The following RNF175 variants were observed in gnomAD, a reference collection of about 807,000 sequenced individuals.
The protein encoded by RNF175 is ring finger protein 175.
In RNF175, 38 loss-of-function variants were observed where a neutral mutation model predicts 50.0. That is an observed-to-expected ratio of 0.76 (90% CI 0.59 to 1.00). The LOEUF is 1.00. RNF175 is among the 50% of genes least tolerant of loss of function. The pLI, the probability that RNF175 is intolerant of heterozygous loss-of-function variation, is 0.00. For synonymous variants in RNF175, 155 were observed against 146.1 expected, an observed-to-expected ratio of 1.06 and a Z score of -0.44; for missense variants, 388 against 409.6, an observed-to-expected ratio of 0.95 and a Z score of 0.46.
chr4:153,759,688 C>T (rs1399963387), intron 1 of RNF175, 109 bp downstream of exon 1: 1 of 687,622 alleles, frequency 1.5e-6, no homozygotes, highest in Non-Finnish European at 2.2e-6. Context: ...CGGTTCTCCC[C>T]GGTGGGGCCC....
chr4:153,724,328 A>C (rs1738539017), intron 4 of RNF175, among the ~76,000 whole-genome samples: 3 of 152,254 alleles, frequency 2.0e-5, no homozygotes, highest in Admixed American at 2.0e-4. Flanking sequence ...GGGCCACAGC[A>C]GAGGGGCTAT....
At chr4:153,716,608 G>T (rs985558855) in intron 6 of RNF175, among the ~76,000 whole-genome samples, 5 of 151,926 alleles carry the variant, frequency 3.3e-5, no homozygotes, top group African/African-American at 4.8e-5. Flanking sequence ...TTAAAGAAAA[G>T]ATACAAAAAT....
chr4:153,715,377 C>T (rs1304752282), intron 7 of RNF175, 152 bp downstream of exon 7: 1 of 745,662 alleles, frequency 1.3e-6, no homozygotes. Flanking sequence ...CAGGGACAAA[C>T]AGGAAGACTC....
At chr4:153,750,102 G>GA (rs1740204869) in intron 2 of RNF175, among the ~76,000 whole-genome samples, 1 of 152,144 alleles carries the variant, frequency 6.6e-6, no homozygotes, top group Non-Finnish European at 1.5e-5. Flanking sequence ...TGAACATGGG[G>GA]AAAAATCATG....
chr4:153,718,230 G>GTTTTTTTTTTTTTTTTTTTTTTTTTTTT (rs1272804247), intron 6 of RNF175, among the ~76,000 whole-genome samples: 1 of 31,864 alleles, frequency 3.1e-5, no homozygotes, highest in African/African-American at 8.3e-5. Flanking sequence ...TTGTTTGTTT[G>GTTTTTTTTTTTTTTTTTTTTTTTTTTTT]TTTGTTTGTT....
At position 153,751,474 on chromosome 4, in the gene RNF175, A is replaced by T; in HGVS notation, c.68T>A (p.Leu23His). Reference sequence around the variant, plus strand: ...TTCTGCAGAAAGCTTTGTATGAGAGAGCTGAAAAACATAAAAAGGGCCCTT... The same window carrying T: ...TTCTGCAGAAAGCTTTGTATGAGAGTGCTGAAAAACATAAAAAGGGCCCTT... ...VLEAPPQQEQLSHTKLSAEDT... is the reference protein window; with the variant it reads ...VLEAPPQQEQHSHTKLSAEDT... Residue 23 changes from leucine to histidine, a missense_variant and splice_region_variant, in exon 2 of 9, where the codon CTC becomes CAC. Leu to His is a moderately conservative substitution (Grantham distance 99). Coordinates refer to ENST00000347063, the MANE Select transcript of RNF175 (RefSeq NM_173662.4). 4 of 1,556,364 alleles carry T rather than the reference A, an allele frequency of 2.6e-6. No individual in the cohort carries two copies. The highest frequency in any genetic ancestry group is 1.2e-5 in the South Asian group (1 of 82,284).
intron 3 of RNF175, 45 bp downstream of exon 3, chr4:153,748,600 G>T (rs753575678): frequency 2.0e-6 from 3 of 1,504,306 alleles, no homozygotes; most frequent in Non-Finnish European, 1.8e-6. Context: ...CAGTCAAGCT[G>T]ATACAAGCTG....
intron 1 of RNF175, among the ~76,000 whole-genome samples, chr4:153,755,201 G>A (rs1740501585): frequency 6.6e-6 from 1 of 152,254 alleles, no homozygotes; most frequent in African/African-American, 2.4e-5. Context: ...CCACTTGGCT[G>A]GCAGCCAGAC....
chr4:153,749,000 G>T (rs1423903676), intron 2 of RNF175, among the ~76,000 whole-genome samples: 1 of 152,214 alleles, frequency 6.6e-6, no homozygotes. Flanking sequence ...AGAAGGAGCA[G>T]CTGGGAGGAG....
intron 7 of RNF175, chr4:153,714,507 C>T (rs1737784294): frequency 6.6e-6 from 1 of 152,084 alleles, no homozygotes; most frequent in Non-Finnish European, 1.5e-5. Context: ...GGGCTTTAGG[C>T]AAAAGACAGA....
At chr4:153,748,858 A>G (rs747930704) in intron 2 of RNF175, 72 bp from the exon 3 acceptor site, 7 of 1,384,062 alleles carry the variant, frequency 5.1e-6, no homozygotes, top group East Asian at 2.6e-5. Flanking sequence ...AACAAAAAAC[A>G]AAAAACAAAA....
chr4:153,755,175 T>G (rs1379850004), intron 1 of RNF175, among the ~76,000 whole-genome samples: 3 of 152,232 alleles, frequency 2.0e-5, no homozygotes, highest in African/African-American at 7.2e-5. Context: ...CCTAGGCATG[T>G]TAGACATGGG....
At chr4:153,747,509 A>C (rs1294116386) in intron 3 of RNF175, among the ~76,000 whole-genome samples, 2 of 152,228 alleles carry the variant, frequency 1.3e-5, no homozygotes, top group Admixed American at 1.3e-4. Context: ...CCGTTACTCC[A>C]GCTTCCGATA....
chr4:153,759,801 T>A lies in RNF175; in HGVS notation c.62A>T (p.Glu21Val). ...APVLEAPPQQ[E>V]QLSHTKLSAE... ...CCCGCGCCCCCGCGCCAGTACCTGC[T>A]CCTGCTGCGGGGGGGCCTCCAGCAC... Residue 21 changes from glutamate to valine, a missense_variant, in exon 1 of 9, where the codon GAG becomes GTG. Transcript: ENST00000347063. 1 of 1,479,752 alleles carries A rather than the reference T, an allele frequency of 6.8e-7. No homozygotes were observed. The highest frequency in any genetic ancestry group is 8.9e-7 in the Non-Finnish European group (1 of 1,123,030). The allele number at this position is 1,479,752 out of a possible 1,614,324, so 91.7% of individuals were successfully genotyped here. A position where few individuals can be genotyped will look rare whatever the true frequency, so the allele number is the denominator to read the frequency against.
intron 3 of RNF175, among the ~76,000 whole-genome samples, chr4:153,730,465 T>C (rs998940491): frequency 6.6e-6 from 1 of 152,128 alleles, no homozygotes; most frequent in Non-Finnish European, 1.5e-5. Context: ...AACAAAAATC[T>C]TATCAGCATA....
In RNF175 at chr4:153,735,227, A is replaced by ATT. The variant is rs3068858; in HGVS notation, c.247-6868_247-6867dup. 4.2e-4 allele frequency among the ~76,000 whole-genome samples: 59 copies of ATT among 141,094 alleles called. 1 individual carries two copies. The highest frequency in any genetic ancestry group is 6.5e-4 in the Non-Finnish European group (42 of 64,742). 92.6% of individuals were successfully genotyped at this position (141,094 alleles called of 152,430 possible). A position where few individuals can be genotyped will look rare whatever the true frequency, so the allele number is the denominator to read the frequency against. On this transcript the variant is annotated intron_variant, in intron 3 of 8. Transcript: ENST00000347063. The stretch of plus-strand genomic sequence containing the variant: ...TATTGTATGTTCTGTGTCTGTGTCT[A>ATT]TTTTTTTTTTTTTGGCATGTGAAAA...
intron 4 of RNF175, among the ~76,000 whole-genome samples, chr4:153,726,994 A>G (rs1287541779): frequency 6.6e-6 from 1 of 152,208 alleles, no homozygotes; most frequent in Non-Finnish European, 1.5e-5. Context: ...GTTCCTCTGC[A>G]TTGCACGAAC....
At chr4:153,727,651 G>C (rs1738779466) in intron 4 of RNF175, 1 of 152,216 alleles carries the variant, frequency 6.6e-6, no homozygotes, top group African/African-American at 2.4e-5. Context: ...AAGCCTGTGG[G>C]CACAGTATGT....
chr4:153,736,761 T>G (rs1739372445), intron 3 of RNF175, among the ~76,000 whole-genome samples: 1 of 152,230 alleles, frequency 6.6e-6, no homozygotes, highest in Non-Finnish European at 1.5e-5. Flanking sequence ...TTTCAAAGAA[T>G]TAGCCCACCT....
Sources: allele counts gnomAD v4.1 joint callset (sites outside exome capture counted in the v4.1 genomes callset), GRCh38; gene constraint gnomAD v4.1.1; transcripts MANE v1.5; gene names NCBI Gene and HGNC (gene_info 2026-07-23, HGNC 2026-07-21).